Variants in ADGRA3 observed in about 807,000 individuals in gnomAD.
ADGRA3 encodes adhesion G protein-coupled receptor A3.
Under a neutral mutation model 119.8 loss-of-function variants are expected in ADGRA3, and 56 were observed. The observed-to-expected ratio is 0.47, with a 90% confidence interval of 0.38 to 0.58. The LOEUF is 0.58. Among genes scored for constraint, ADGRA3 ranks in the 20% least tolerant of loss-of-function variants. The probability of loss-of-function intolerance (pLI) is 0.00; values close to 1 mark genes in which losing one functional copy is unlikely to be tolerated. For synonymous variants in ADGRA3, 607 were observed against 623.8 expected (o/e 0.97, Z 0.40); for missense variants, 1,516 against 1,649.0 (o/e 0.92, Z 1.40).
chr4:22,413,157 T>C (rs368930660), intron 14 of ADGRA3, 25 bp downstream of exon 14: 2 of 1,514,872 alleles, frequency 1.3e-6, no homozygotes, highest in Non-Finnish European at 1.8e-6. Context: ...ATAGTGTTTA[T>C]GCATAAAGTT....
chr4:22,431,273 C>T (rs1716159007), intron 10 of ADGRA3, among the ~76,000 whole-genome samples: 1 of 21,568 alleles, frequency 4.6e-5, no homozygotes. Flanking sequence ...CCTGGAAAAG[C>T]CTTGTACTAA....
At chr4:22,466,878 A>T (rs898758469) in intron 2 of ADGRA3, among the ~76,000 whole-genome samples, 6 of 152,214 alleles carry the variant, frequency 3.9e-5, no homozygotes, top group Admixed American at 1.3e-4. Flanking sequence ...CACACAATAT[A>T]GAGTGTGTGG....
Position 22,488,373 on chromosome 4 carries a change from C to G in ADGRA3, c.258-14530G>C, listed in dbSNP as rs4423859. ...TGAAGCTTTAAAAAAAAAAAAAAGT[C>G]AAAGCCTTGGCACCCCCTGAATCAA... On this transcript the variant is annotated intron_variant, in intron 1 of 18. Coordinates refer to ENST00000334304, the MANE Select transcript of ADGRA3 (RefSeq NM_145290.4). 2.0e-5 allele frequency among the ~76,000 whole-genome samples: 3 copies of G among 150,308 alleles called. No individual in the cohort carries two copies. In the East Asian group the frequency reaches 5.9e-4, roughly 29 times the overall value.
At chr4:22,402,356 TAAGA>T (rs1714700846) in intron 15 of ADGRA3, among the ~76,000 whole-genome samples, 1 of 152,048 alleles carries the variant, frequency 6.6e-6, no homozygotes, top group Non-Finnish European at 1.5e-5. Context: ...CCTCTGCAGG[TAAGA>T]AACTTCCGCC....
At chr4:22,455,161 T>C (rs1336794888) in intron 3 of ADGRA3, among the ~76,000 whole-genome samples, 4 of 152,228 alleles carry the variant, frequency 2.6e-5, no homozygotes, top group Admixed American at 6.5e-5. Context: ...TGCTCAATTA[T>C]AGTGCCCTCT....
chr4:22,462,091 A>G (rs1192616995), intron 2 of ADGRA3, among the ~76,000 whole-genome samples: 1 of 152,198 alleles, frequency 6.6e-6, no homozygotes, highest in Non-Finnish European at 1.5e-5. Flanking sequence ...CACAATTATC[A>G]CTGAACTACA....
At chr4:22,444,292 A>AC (rs1716744954) in intron 6 of ADGRA3, among the ~76,000 whole-genome samples, 1 of 149,838 alleles carries the variant, frequency 6.7e-6, no homozygotes, top group South Asian at 2.1e-4. Context: ...TGTATCAGTT[A>AC]TTTTTTTTTT....
chr4:22,508,453 C>T (rs553766446), intron 1 of ADGRA3, among the ~76,000 whole-genome samples: 1 of 152,300 alleles, frequency 6.6e-6, no homozygotes, highest in East Asian at 1.9e-4. Context: ...GAAACACTGG[C>T]CACTGTGTTT....
intron 1 of ADGRA3, among the ~76,000 whole-genome samples, chr4:22,512,203 C>T (rs567450185): frequency 6.6e-6 from 1 of 152,008 alleles, no homozygotes; most frequent in African/African-American, 2.4e-5. Context: ...GCCCGCCCCA[C>T]AGTGATCTTT....
At chr4:22,502,539 A>C (rs1719083665) in intron 1 of ADGRA3, among the ~76,000 whole-genome samples, 1 of 152,212 alleles carries the variant, frequency 6.6e-6, no homozygotes, top group African/African-American at 2.4e-5. Flanking sequence ...CACTTAAGAA[A>C]GAGTGGTCAT....
At chr4:22,505,843 A>G (rs1170421239) in intron 1 of ADGRA3, among the ~76,000 whole-genome samples, 2 of 152,162 alleles carry the variant, frequency 1.3e-5, no homozygotes, top group African/African-American at 4.8e-5. Flanking sequence ...TACAAGACTA[A>G]GATAAAACTG....
chr4:22,433,162 G>A (rs530420043), intron 10 of ADGRA3, among the ~76,000 whole-genome samples: 24 of 152,072 alleles, frequency 1.6e-4, no homozygotes, highest in African/African-American at 5.3e-4. Flanking sequence ...CCTGTTTCTC[G>A]TGCTGACAGT....
chr4:22,416,360 G>A (rs1423304266), intron 12 of ADGRA3, among the ~76,000 whole-genome samples: 1 of 152,144 alleles, frequency 6.6e-6, no homozygotes, highest in Non-Finnish European at 1.5e-5. Context: ...CAAGTTTTCG[G>A]TTTCCAGTAT....
chr4:22,487,860 GCCCGCCAAA>G (rs1021285378), intron 1 of ADGRA3, among the ~76,000 whole-genome samples: 1 of 152,114 alleles, frequency 6.6e-6, no homozygotes, highest in Non-Finnish European at 1.5e-5. Context: ...CACTACAATG[GCCCGCCAAA>G]CCCACTTTAC....
chr4:22,502,786 C>T (rs1030886006), intron 1 of ADGRA3, among the ~76,000 whole-genome samples: 20 of 151,112 alleles, frequency 1.3e-4, no homozygotes, highest in African/African-American at 4.6e-4. Flanking sequence ...GAGTTTAAGC[C>T]TTGACCTTGT....
intron 15 of ADGRA3, among the ~76,000 whole-genome samples, chr4:22,401,851 T>C (rs1453109390): frequency 6.6e-6 from 1 of 152,126 alleles, no homozygotes; most frequent in African/African-American, 2.4e-5. Flanking sequence ...AAGAAACGCA[T>C]GGGCTTTTGT....
chr4:22,451,083 T>C (rs1717025084), intron 4 of ADGRA3, among the ~76,000 whole-genome samples: 1 of 151,168 alleles, frequency 6.6e-6, no homozygotes, highest in South Asian at 2.1e-4. Context: ...ACCTTTTTTG[T>C]ATAAAGGAAG....
At chr4:22,507,749 T>C (rs1172877141) in intron 1 of ADGRA3, among the ~76,000 whole-genome samples, 1 of 152,148 alleles carries the variant, frequency 6.6e-6, no homozygotes, top group Non-Finnish European at 1.5e-5. Flanking sequence ...TGCCAAACTG[T>C]GCCCCCAATC....
intron 1 of ADGRA3, among the ~76,000 whole-genome samples, chr4:22,500,546 T>C (rs1379813873): frequency 6.8e-6 from 1 of 147,918 alleles, no homozygotes; most frequent in Non-Finnish European, 1.5e-5. Flanking sequence ...GAAGTTTCTC[T>C]AGTCATGGGA....
Sources: allele counts gnomAD v4.1 joint callset (sites outside exome capture counted in the v4.1 genomes callset), GRCh38; gene constraint gnomAD v4.1.1; transcripts MANE v1.5; gene names NCBI Gene and HGNC (gene_info 2026-07-23, HGNC 2026-07-21).